The following ROBO2 variants were observed in gnomAD, a reference collection of about 807,000 sequenced individuals.
The protein encoded by ROBO2 is roundabout guidance receptor 2, also known as roundabout homolog 2.
A neutral mutation model predicts 160.8 loss-of-function variants in ROBO2; 53 were observed. That is an observed-to-expected ratio of 0.33 (90% CI 0.26 to 0.41). The LOEUF (loss-of-function observed/expected upper bound fraction) is 0.41. ROBO2 is among the 10% of genes least tolerant of loss of function. ROBO2 has a pLI of 1.00. For missense variants in ROBO2, 1,577 were observed against 1,722.4 expected, an observed-to-expected ratio of 0.92 and a Z score of 1.49; for synonymous variants, 664 against 611.7, an observed-to-expected ratio of 1.09 and a Z score of -1.26.
At chr3:76,836,968 T>A (rs1336834214) in intron 2 of ROBO2, among the ~76,000 whole-genome samples, 3 of 151,864 alleles carry the variant, frequency 2.0e-5, no homozygotes, top group Non-Finnish European at 2.9e-5. Flanking sequence ...ATCAGTTACT[T>A]TTTTAAAGGG....
In ROBO2 at chr3:77,088,797, A is replaced by G. The variant is rs115098566; in HGVS notation, c.62-9217A>G. On this transcript the variant is annotated intron_variant, in intron 1 of 25. Transcript: ENST00000461745. ...TCCATTGCTTTTGACAGCAGATACA[A>G]GACCTACAAAGGCCAACTTTTGTAA... Among the ~76,000 whole-genome samples the G allele has an allele frequency of 2.1e-3, 326 of 152,318 alleles. 1 individual carries two copies. Among genetic ancestry groups the G allele is most frequent in the African/African-American group, 7.3e-3 (302 of 41,568 alleles).
intron 2 of ROBO2, among the ~76,000 whole-genome samples, chr3:75,991,055 A>G (rs564903957): frequency 6.6e-6 from 1 of 152,186 alleles, no homozygotes; most frequent in Admixed American, 6.5e-5. Flanking sequence ...CTGAGCCTGA[A>G]TTATAGTACC....
chr3:77,056,304 G>A (rs1399808209), intron 1 of ROBO2, among the ~76,000 whole-genome samples: 1 of 152,134 alleles, frequency 6.6e-6, no homozygotes, highest in African/African-American at 2.4e-5. Flanking sequence ...CGTTTGTTAA[G>A]GGAGGCAGTA....
At chr3:76,940,860 CA>C (rs1441077518) in intron 2 of ROBO2, among the ~76,000 whole-genome samples, 2 of 152,184 alleles carry the variant, frequency 1.3e-5, no homozygotes, top group South Asian at 4.1e-4. Flanking sequence ...CTGATGATAT[CA>C]AAGTTTTCAG....
intron 2 of ROBO2, among the ~76,000 whole-genome samples, chr3:77,157,997 A>C (rs2078162927): frequency 6.6e-6 from 1 of 152,128 alleles, no homozygotes; most frequent in Non-Finnish European, 1.5e-5. Flanking sequence ...GGGAAACATA[A>C]TAATTACAAC....
intron 2 of ROBO2, among the ~76,000 whole-genome samples, chr3:76,478,110 C>T (rs911720408): frequency 6.6e-6 from 1 of 150,488 alleles, no homozygotes; most frequent in East Asian, 2.0e-4. Context: ...ATGTGCCATG[C>T]TGGTGTGCTG....
At chr3:77,449,803 T>C (rs1172935590) in intron 2 of ROBO2, among the ~76,000 whole-genome samples, 2 of 152,058 alleles carry the variant, frequency 1.3e-5, no homozygotes, top group Non-Finnish European at 2.9e-5. Flanking sequence ...GTGAGCAAAG[T>C]CAGATCTCAA....
chr3:77,046,809 C>T (rs2064716708), intron 1 of ROBO2, among the ~76,000 whole-genome samples: 1 of 152,208 alleles, frequency 6.6e-6, no homozygotes, highest in Non-Finnish European at 1.5e-5. Flanking sequence ...TTTGATTCAA[C>T]ACATGCATAT....
chr3:77,572,411 A>G (rs1359922393), intron 13 of ROBO2, among the ~76,000 whole-genome samples: 1 of 151,948 alleles, frequency 6.6e-6, no homozygotes, highest in Admixed American at 6.6e-5. Context: ...CCTGCTTTTC[A>G]AAGAATGTAT....
chr3:75,922,491 C>A (rs1947103309), intron 1 of ROBO2, among the ~76,000 whole-genome samples: 1 of 151,976 alleles, frequency 6.6e-6, no homozygotes, highest in Admixed American at 6.6e-5. Flanking sequence ...TTGCAATTCA[C>A]TTGACATATT....
intron 2 of ROBO2, among the ~76,000 whole-genome samples, chr3:77,258,595 C>T (rs1028032557): frequency 4.7e-5 from 7 of 149,810 alleles, no homozygotes; most frequent in Non-Finnish European, 1.0e-4. Flanking sequence ...TGCACTCCAG[C>T]CTGGGTGACA....
rs563339980 is a variant in ROBO2 at position 75,974,369 on chromosome 3, T to A, written c.109+36767T>A. 1.6e-4 allele frequency among the ~76,000 whole-genome samples: 25 copies of A among 151,816 alleles called. No homozygotes were observed. In the South Asian group the frequency reaches 5.2e-3, roughly 31 times the overall value. On this transcript the variant is annotated intron_variant, in intron 2 of 26. Transcript: ENST00000487694. ...CAGTTACAAAAGAAATTATGTTTGC[T>A]GTTGCAATTATTATCAGCATAATAG...
intron 2 of ROBO2, among the ~76,000 whole-genome samples, chr3:76,080,937 C>T (rs1477741556): frequency 6.6e-6 from 1 of 151,902 alleles, no homozygotes; most frequent in South Asian, 2.1e-4. Flanking sequence ...ATTAATATTC[C>T]TTTATAAAAA....
At chr3:76,179,596 T>G (rs1701400654) in intron 2 of ROBO2, among the ~76,000 whole-genome samples, 1 of 152,134 alleles carries the variant, frequency 6.6e-6, no homozygotes, top group African/African-American at 2.4e-5. Flanking sequence ...AGAACACTTC[T>G]GTGGCCTGCA....
intron 2 of ROBO2, among the ~76,000 whole-genome samples, chr3:77,377,419 T>C (rs2072838350): frequency 2.6e-5 from 4 of 152,310 alleles, no homozygotes; most frequent in Admixed American, 2.6e-4. Context: ...ATTGATATAC[T>C]ATACAATTTT....
At chr3:77,603,056 C>T (rs924910357) in intron 20 of ROBO2, 1 of 456,716 alleles carries the variant, frequency 2.2e-6, no homozygotes. Context: ...GTGGCAGTCT[C>T]TCAGGTTGGT....
intron 9 of ROBO2, 109 bp downstream of exon 10, chr3:77,558,258 C>A: frequency 1.2e-6 from 1 of 864,266 alleles, no homozygotes; most frequent in Non-Finnish European, 1.9e-6. Flanking sequence ...AATTGCTGCA[C>A]GTTTAAAAAC....
intron 2 of ROBO2, among the ~76,000 whole-genome samples, chr3:77,365,727 C>T (rs1335000542): frequency 6.8e-6 from 1 of 146,950 alleles, no homozygotes; most frequent in East Asian, 2.2e-4. Context: ...TTGTGAATCA[C>T]TTTCACATTT....
rs565729821 is a variant in ROBO2 at position 76,713,354 on chromosome 3, T to C, written c.110-384660T>C. Among the ~76,000 whole-genome samples the C allele has an allele frequency of 3.3e-5, 5 of 152,304 alleles. No homozygotes were observed. The South Asian group carries it at 1.0e-3, about 32-fold the overall frequency. ...TTTCTTTCTAGTTTTAATCAGTGAT[T>C]CCCATACAATGATTCCTTTATGCAT... On this transcript the variant is annotated intron_variant, in intron 2 of 26. Transcript: ENST00000487694.
Sources: gnomAD v4.1 joint callset for allele counts (sites outside exome capture counted in the v4.1 genomes callset) on GRCh38, gnomAD v4.1.1 for gene constraint, MANE v1.5 for transcripts, NCBI Gene and HGNC (gene_info 2026-07-23, HGNC 2026-07-21) for gene names.